Variants in NPY1R observed in about 807,000 individuals in gnomAD.
The protein encoded by NPY1R is neuropeptide Y receptor Y1.
Under a neutral mutation model 24.1 loss-of-function variants are expected in NPY1R, and 10 were observed. The observed-to-expected ratio is 0.42, with a 90% CI of 0.26 to 0.71. The LOEUF is 0.71. NPY1R is among the 30% of genes least tolerant of loss of function. The probability of loss-of-function intolerance (pLI) is 0.28; values close to 1 mark genes in which losing one functional copy is unlikely to be tolerated. For synonymous variants in NPY1R, 168 were observed against 165.9 expected, an observed-to-expected ratio of 1.01 and a Z score of -0.10; for missense variants, 350 against 458.0, an observed-to-expected ratio of 0.76 and a Z score of 2.15.
Position 163,325,352 on chromosome 4 carries a change from G to T in NPY1R, c.1106C>A (p.Pro369Gln), listed in dbSNP as rs1734579305. ...GTTGTTGATTTTTTTAAATGCGACT[G>T]GGCTTGCTTGCTTCAAAGAAGTTTT... is the stretch of plus-strand genomic sequence containing the variant. Reference protein sequence around the residue: ...VSKTSLKQASPVAFKKINNND... With the variant: ...VSKTSLKQASQVAFKKINNND... Residue 369 changes from proline (P) to glutamine (Q), a missense_variant, in exon 3 of 3, where the codon CCA (proline) becomes CAA (glutamine). By Grantham distance (76) the Pro-to-Gln change is moderately conservative. Transcript: ENST00000296533. 6.2e-7 allele frequency: 1 copy of T among 1,613,406 alleles called. No homozygotes were observed.
rs1734549536 is a variant in NPY1R, at chr4:163,324,149, A to G, written c.*1154T>C. 1 of 152,656 alleles carries G rather than the reference A, an allele frequency of 6.6e-6. No homozygotes were observed. The allele number at this position is 152,656 out of a possible 1,614,324, so 9.5% of individuals were successfully genotyped here. A position where few individuals can be genotyped will look rare whatever the true frequency, so the allele number is the denominator to read the frequency against. ...GAAATTAGGCACATTAACATGACACAACTATTCAGTAATCTTTACAGTGCA... is the reference window on the plus strand; with the variant it reads ...GAAATTAGGCACATTAACATGACACGACTATTCAGTAATCTTTACAGTGCA... On this transcript the variant is annotated 3_prime_UTR_variant, in exon 3 of 3. Transcript: ENST00000296533.
intron 1 of NPY1R, among the ~76,000 whole-genome samples, chr4:163,343,010 A>G (rs913950994): frequency 5.4e-4 from 43 of 79,596 alleles, no homozygotes; most frequent in South Asian, 1.0e-3. Flanking sequence ...ACACACACAC[A>G]CACACACACG....
At position 163,341,476 on chromosome 4, in the gene NPY1R, T is replaced by C. The variant is rs375012338; in HGVS notation, c.-152+2829A>G. ...TGCTTTCCACAAATAGTAGCTGTTATTAAAATGCAGCAGTAGCTTTGACAA... is the reference window on the plus strand; with the variant it reads ...TGCTTTCCACAAATAGTAGCTGTTACTAAAATGCAGCAGTAGCTTTGACAA... On this transcript the variant is annotated intron_variant, in intron 1 of 1. Transcript: ENST00000511901. 2.0e-5 allele frequency among the ~76,000 whole-genome samples: 3 copies of C among 152,190 alleles called. 1 individual carries two copies. The highest frequency in any genetic ancestry group is 2.1e-4 in the South Asian group (1 of 4,832).
intron 1 of NPY1R, among the ~76,000 whole-genome samples, chr4:163,340,640 C>A (rs1027034302): frequency 6.6e-6 from 1 of 151,934 alleles, no homozygotes; most frequent in African/African-American, 2.4e-5. Context: ...AAGGGGACTC[C>A]AGATCTTCGA....
Position 163,326,162 on chromosome 4 carries a change from C to G in NPY1R, c.393G>C (p.Leu131=), listed in dbSNP as rs1182940125. 1 of 1,614,086 alleles carries G rather than the reference C, an allele frequency of 6.2e-7. No homozygotes were observed. Among genetic ancestry groups the G allele is most frequent in the Middle Eastern group, 1.6e-4 (1 of 6,062 alleles). ...CVSITVSIFS[L]VLIAVERHQL... is the part of the protein sequence containing the mutation. ...GATGTCGTTCCACAGCAATGAGAAC[C>G]AGAGAGAAAATGGACACAGTGATTG... Residue 131 remains leucine (L), a synonymous_variant, in exon 2 of 3, where the codon CTG becomes CTC. Transcript: ENST00000296533.
chr4:163,343,024 G>GCA, intron 1 of NPY1R, among the ~76,000 whole-genome samples: 1 of 123,852 alleles, frequency 8.1e-6, no homozygotes, highest in Non-Finnish European at 1.8e-5. Context: ...ACACACGCGC[G>GCA]CGCGCCTAAA....
upstream of NPY1R, chr4:163,332,817 G>C (rs1004332268): frequency 6.6e-6 from 1 of 152,246 alleles, no homozygotes; most frequent in Non-Finnish European, 1.5e-5. Flanking sequence ...GGGAAAGGAA[G>C]CCCTAATCCC....
chr4:163,325,932 C>CTA lies in NPY1R; in HGVS notation c.621_622dup (p.Arg208IlefsTer32). The CTA allele has an allele frequency of 6.2e-7, 1 of 1,613,982 alleles. No individual in the cohort carries two copies. Among genetic ancestry groups the CTA allele is most frequent in the African/African-American group, 1.3e-5 (1 of 74,994 alleles). Reference sequence around the variant, plus strand: ...CAAGAGGAGAGTGGTATAAGACAACCTATGAGAGTCCGATGGAAATTGATC... The same window carrying CTA: ...CAAGAGGAGAGTGGTATAAGACAACCTATATGAGAGTCCGATGGAAATTGATC... On this transcript the variant is annotated frameshift_variant, in exon 2 of 3. Transcript: ENST00000296533. LOFTEE classifies it high-confidence loss of function.
intron 1 of NPY1R, among the ~76,000 whole-genome samples, chr4:163,329,086 G>A (rs1199670819): frequency 6.6e-6 from 1 of 152,032 alleles, no homozygotes; most frequent in Admixed American, 6.5e-5. Flanking sequence ...GTATATAGGG[G>A]AAAATGTTAC....
At chr4:163,336,941 A>G (rs768669234), upstream of NPY1R, among the ~76,000 whole-genome samples, 19 of 152,240 alleles carry the variant, frequency 1.2e-4, no homozygotes, top group African/African-American at 4.1e-4. Context: ...AGCCTGGGCA[A>G]CAGAGTGATA....
intron 1 of NPY1R, among the ~76,000 whole-genome samples, chr4:163,330,158 T>C (rs960034069): frequency 6.6e-6 from 1 of 152,214 alleles, no homozygotes; most frequent in Non-Finnish European, 1.5e-5. Context: ...ATCCACTGAC[T>C]GATTTTGGCA....
chr4:163,327,746 C>T (rs56177044), intron 1 of NPY1R, among the ~76,000 whole-genome samples: 20,668 of 152,098 alleles, frequency 0.14, 1,765 homozygotes, highest in Non-Finnish European at 0.19. Context: ...CTTTGTGATA[C>T]ATTTTTCTCT....
In NPY1R at chr4:163,332,483, C is replaced by G. The variant is rs1174594154; in HGVS notation, c.-153G>C. 1 of 152,280 alleles carries G rather than the reference C, an allele frequency of 6.6e-6. No individual in the cohort carries two copies. Among genetic ancestry groups the G allele is most frequent in the Non-Finnish European group, 1.5e-5 (1 of 68,120 alleles). The allele number at this position is 152,280 out of a possible 1,614,324, so 9.4% of individuals were successfully genotyped here. On this transcript the variant is annotated splice_region_variant and 5_prime_UTR_variant, in exon 1 of 3. Coordinates refer to ENST00000296533, the MANE Select transcript of NPY1R (RefSeq NM_000909.6). Reference sequence around the variant, plus strand: ...GAAAGGCATAAACTCGCAACTTACCCTCTTTGGAATTTGTCTTTTTCGCTC... The same window carrying G: ...GAAAGGCATAAACTCGCAACTTACCGTCTTTGGAATTTGTCTTTTTCGCTC...
At chr4:163,327,504 G>C (rs1734635029) in intron 1 of NPY1R, among the ~76,000 whole-genome samples, 1 of 152,118 alleles carries the variant, frequency 6.6e-6, no homozygotes, top group African/African-American at 2.4e-5. Flanking sequence ...TGCAAATCTA[G>C]CAAGTGTTCC....
chr4:163,340,198 T>C (rs944211662), intron 1 of NPY1R, among the ~76,000 whole-genome samples: 2 of 152,058 alleles, frequency 1.3e-5, no homozygotes, highest in African/African-American at 4.8e-5. Context: ...AGGATACTTA[T>C]CTTTTCTCAG....
At chr4:163,327,812 A>T (rs1734641234) in intron 1 of NPY1R, among the ~76,000 whole-genome samples, 1 of 152,168 alleles carries the variant, frequency 6.6e-6, no homozygotes, top group Non-Finnish European at 1.5e-5. Flanking sequence ...AAATTATTTT[A>T]AAAACTCCTT....
rs757037175 is a variant in NPY1R, at chr4:163,325,983, G to A, written c.572C>T (p.Ala191Val). The change falls in exon 2 of 3, where the codon GCG becomes GTG. Residue 191 changes from alanine to valine, a missense_variant. Physicochemically the swap from Ala to Val is moderately conservative, Grantham distance 64. Coordinates refer to ENST00000296533, the MANE Select transcript of NPY1R (RefSeq NM_000909.6). ...AAAGCACACGTATTTGTCTTTGTACGCATCAAGTGTTACATTTTGGAACGG... is the reference window on the plus strand; with the variant it reads ...AAAGCACACGTATTTGTCTTTGTACACATCAAGTGTTACATTTTGGAACGG... Reference protein sequence around the residue: ...DEPFQNVTLDAYKDKYVCFDQ... With the variant: ...DEPFQNVTLDVYKDKYVCFDQ... 1.4e-5 allele frequency: 22 copies of A among 1,613,802 alleles called. No homozygotes were observed. The highest frequency in any genetic ancestry group is 1.6e-4 in the Middle Eastern group (1 of 6,082).
At chr4:163,340,014 T>C (rs1206619490) in intron 1 of NPY1R, among the ~76,000 whole-genome samples, 1 of 152,128 alleles carries the variant, frequency 6.6e-6, no homozygotes, top group Admixed American at 6.5e-5. Context: ...CTTTGAACAG[T>C]TCTGTAAACA....
In NPY1R at chr4:163,324,233, G is replaced by GT. The variant is rs1428807906; in HGVS notation, c.*1069dup. The GT allele has an allele frequency of 6.6e-6, 1 of 152,592 alleles. No individual in the cohort carries two copies. Among genetic ancestry groups the GT allele is most frequent in the Non-Finnish European group, 1.5e-5 (1 of 68,018 alleles). The allele number at this position is 152,592 out of a possible 1,614,324, so 9.5% of individuals were successfully genotyped here. On this transcript the variant is annotated 3_prime_UTR_variant, in exon 3 of 3. Coordinates refer to ENST00000296533, the MANE Select transcript of NPY1R (RefSeq NM_000909.6). ...TACAAGTTAAAATGGGCTATATGAA[G>GT]TATCTGCAGTTTTTGTGTATTTTTC... is the stretch of plus-strand genomic sequence containing the variant.
Sources: gnomAD v4.1 joint callset for allele counts (sites outside exome capture counted in the v4.1 genomes callset) on GRCh38, gnomAD v4.1.1 for gene constraint, MANE v1.5 for transcripts, NCBI Gene and HGNC (gene_info 2026-07-23, HGNC 2026-07-21) for gene names.